DIAPH3: variants seen among roughly 807,000 people sequenced by gnomAD.
The protein encoded by DIAPH3 is protein diaphanous homolog 3.
DIAPH3 carries 117 observed loss-of-function variants against 144.3 expected under a neutral mutation model. The observed-to-expected ratio is 0.81, with a 90% CI of 0.70 to 0.95. DIAPH3 has a LOEUF of 0.95. Ranked by LOEUF, DIAPH3 falls within the 40% of genes least tolerant of loss-of-function variation. The pLI, the probability that DIAPH3 is intolerant of heterozygous loss-of-function variation, is 0.00. For synonymous variants in DIAPH3, 519 were observed against 488.9 expected, an observed-to-expected ratio of 1.06 and a Z score of -0.81; for missense variants, 1,421 against 1,412.7, an observed-to-expected ratio of 1.01 and a Z score of -0.09.
At chr13:59,933,095 A>C (rs1401386717) in intron 17 of DIAPH3, among the ~76,000 whole-genome samples, 1 of 152,204 alleles carries the variant, frequency 6.6e-6, no homozygotes, top group East Asian at 1.9e-4. Context: ...ATAAAGGAGG[A>C]CATTTAGTGA....
intron 3 of DIAPH3, among the ~76,000 whole-genome samples, chr13:60,109,325 T>C (rs1330827744): frequency 6.6e-6 from 1 of 152,110 alleles, no homozygotes; most frequent in Admixed American, 6.5e-5. Flanking sequence ...AATCACAAAG[T>C]CCGTGGTAAT....
chr13:59,708,391 A>G (rs1249938534), intron 27 of DIAPH3, among the ~76,000 whole-genome samples: 1 of 152,112 alleles, frequency 6.6e-6, no homozygotes, highest in African/African-American at 2.4e-5. Context: ...ACTCATTCCA[A>G]TCAGATATTT....
At chr13:59,718,281 T>C (rs78401779) in intron 27 of DIAPH3, among the ~76,000 whole-genome samples, 174 of 152,248 alleles carry the variant, frequency 1.1e-3, no homozygotes, top group African/African-American at 4.1e-3. Context: ...GTCCTAAACA[T>C]TTAGAGGAAT....
At chr13:59,982,185 A>G (rs1321667128) in intron 13 of DIAPH3, among the ~76,000 whole-genome samples, 1 of 151,550 alleles carries the variant, frequency 6.6e-6, no homozygotes, top group Non-Finnish European at 1.5e-5. Context: ...TTTAAAAATC[A>G]GTAAATACAA....
intron 19 of DIAPH3, among the ~76,000 whole-genome samples, chr13:59,915,023 CAT>C (rs2047162457): frequency 6.6e-6 from 1 of 152,088 alleles, no homozygotes; most frequent in Non-Finnish European, 1.5e-5. Context: ...AACAAAACCA[CAT>C]GTTCATTTAA....
At chr13:59,925,868 G>A (rs942252269) in intron 17 of DIAPH3, among the ~76,000 whole-genome samples, 3 of 152,004 alleles carry the variant, frequency 2.0e-5, no homozygotes, top group Non-Finnish European at 2.9e-5. Context: ...GGTATCAGTT[G>A]TAATATCTCC....
intron 21 of DIAPH3, among the ~76,000 whole-genome samples, chr13:59,867,493 TAATA>T (rs1359564453): frequency 6.6e-6 from 1 of 152,134 alleles, no homozygotes; most frequent in African/African-American, 2.4e-5. Flanking sequence ...ATTAATTACT[TAATA>T]TTCATTTTAA....
At chr13:59,801,106 A>C (rs959785146) in intron 25 of DIAPH3, among the ~76,000 whole-genome samples, 3 of 152,192 alleles carry the variant, frequency 2.0e-5, no homozygotes, top group Admixed American at 6.5e-5. Context: ...CATCCACTGA[A>C]AATCAGAGAT....
At chr13:59,775,664 A>G (rs2038376639) in intron 25 of DIAPH3, among the ~76,000 whole-genome samples, 1 of 152,250 alleles carries the variant, frequency 6.6e-6, no homozygotes, top group African/African-American at 2.4e-5. Flanking sequence ...TTGATTTTTC[A>G]TATCAGAAGA....
chr13:59,816,252 T>C (rs1424071948), intron 24 of DIAPH3, among the ~76,000 whole-genome samples: 1 of 152,116 alleles, frequency 6.6e-6, no homozygotes, highest in Non-Finnish European at 1.5e-5. Flanking sequence ...CATTAAAATT[T>C]GGTAAAATGT....
intron 18 of DIAPH3, among the ~76,000 whole-genome samples, chr13:59,920,618 G>C (rs1038407175): frequency 6.6e-6 from 1 of 151,316 alleles, no homozygotes; most frequent in Admixed American, 6.6e-5. Flanking sequence ...TAGATCTACA[G>C]GGAGACATAC....
intron 17 of DIAPH3, among the ~76,000 whole-genome samples, chr13:59,934,903 T>A (rs2048191068): frequency 6.6e-6 from 1 of 152,136 alleles, no homozygotes; most frequent in Admixed American, 6.5e-5. Flanking sequence ...AAATTTTCCC[T>A]TGCTGTACAT....
At chr13:59,810,725 A>G in intron 25 of DIAPH3, 63 bp downstream of exon 25, 1 of 1,558,504 alleles carries the variant, frequency 6.4e-7, no homozygotes. Context: ...TAATATACTA[A>G]TAAAGCAGCC....
chr13:59,910,553 C>A (rs956166257), intron 20 of DIAPH3, among the ~76,000 whole-genome samples: 1 of 151,756 alleles, frequency 6.6e-6, no homozygotes, highest in Admixed American at 6.6e-5. Context: ...CATGGTGAAA[C>A]CCCATCTCTA....
chr13:59,885,448 T>TAAAAAAAA (rs67977635), intron 20 of DIAPH3, among the ~76,000 whole-genome samples: 5 of 93,082 alleles, frequency 5.4e-5, no homozygotes, highest in Non-Finnish European at 6.0e-5. Context: ...CTTCTTTCAC[T>TAAAAAAAA]AAAAAAAAAA....
intron 27 of DIAPH3, among the ~76,000 whole-genome samples, chr13:59,761,288 T>TA (rs1309511716): frequency 9.9e-5 from 15 of 152,240 alleles, no homozygotes; most frequent in South Asian, 6.2e-4. Context: ...CACTTCTTTA[T>TA]AAAAAAAGTC....
At chr13:60,019,154 T>C (rs1051606236) in intron 5 of DIAPH3, among the ~76,000 whole-genome samples, 1 of 152,166 alleles carries the variant, frequency 6.6e-6, no homozygotes, top group African/African-American at 2.4e-5. Context: ...CAGAGGTTTA[T>C]TGAGATCCAT....
At chr13:59,951,544 T>C (rs375361754) in intron 17 of DIAPH3, among the ~76,000 whole-genome samples, 1 of 152,170 alleles carries the variant, frequency 6.6e-6, no homozygotes, top group African/African-American at 2.4e-5. Flanking sequence ...TCAGTCATAT[T>C]TATGAATCTT....
At chr13:60,092,325 C>T (rs1325703147) in intron 4 of DIAPH3, among the ~76,000 whole-genome samples, 1 of 152,086 alleles carries the variant, frequency 6.6e-6, no homozygotes, top group Admixed American at 6.5e-5. Context: ...GTATCAGTAT[C>T]ATAGTAGCAG....
Sources: gnomAD v4.1 joint callset for allele counts (sites outside exome capture counted in the v4.1 genomes callset) on GRCh38, gnomAD v4.1.1 for gene constraint, MANE v1.5 for transcripts, NCBI Gene and HGNC (gene_info 2026-07-23, HGNC 2026-07-21) for gene names.